The following SGCZ variants were observed in gnomAD, a reference collection of about 807,000 sequenced individuals.
The protein encoded by SGCZ is sarcoglycan zeta, also known as zeta-sarcoglycan.
In SGCZ, 40 loss-of-function variants were observed where a neutral mutation model predicts 41.3. That is an observed-to-expected ratio of 0.97 (90% CI 0.75 to 1.26). The LOEUF is 1.26. Ranked by LOEUF, SGCZ falls within the 50% of genes most tolerant of loss-of-function variation. The pLI, the probability that SGCZ is intolerant of heterozygous loss-of-function variation, is 0.00. For synonymous variants in SGCZ, 206 were observed against 137.5 expected, an observed-to-expected ratio of 1.50 and a Z score of -3.49; for missense variants, 552 against 369.8, an observed-to-expected ratio of 1.49 and a Z score of -4.04.
intron 1 of SGCZ, among the ~76,000 whole-genome samples, chr8:14,865,040 T>C (rs115215921): frequency 0.023 from 3,577 of 152,246 alleles, 51 homozygotes; most frequent in Middle Eastern, 0.048. Flanking sequence ...ATATTCTGGA[T>C]TAATCCTTGT....
intron 4 of SGCZ, among the ~76,000 whole-genome samples, chr8:14,219,868 A>G (rs998746407): frequency 3.9e-4 from 60 of 152,028 alleles, no homozygotes; most frequent in African/African-American, 1.4e-3. Flanking sequence ...TGTAGGGAAA[A>G]CGTTTCTACA....
At chr8:14,407,216 G>T (rs1028916452) in intron 2 of SGCZ, among the ~76,000 whole-genome samples, 1 of 151,706 alleles carries the variant, frequency 6.6e-6, no homozygotes, top group African/African-American at 2.4e-5. Context: ...TTACAGGTGT[G>T]TGCCACCATG....
chr8:14,155,044 T>A (rs1803835157), intron 5 of SGCZ, among the ~76,000 whole-genome samples: 1 of 152,214 alleles, frequency 6.6e-6, no homozygotes, highest in Non-Finnish European at 1.5e-5. Context: ...CCACTCTGTT[T>A]TGGAGTAGTT....
intron 1 of SGCZ, among the ~76,000 whole-genome samples, chr8:15,004,049 C>T (rs1209264005): frequency 6.6e-6 from 1 of 151,856 alleles, no homozygotes. Flanking sequence ...CAGAGATCAC[C>T]CAAAATGTGC....
intron 1 of SGCZ, among the ~76,000 whole-genome samples, chr8:15,008,762 AGG>A (rs1343050337): frequency 7.2e-4 from 21 of 29,050 alleles, no homozygotes; most frequent in African/African-American, 2.9e-3. Flanking sequence ...GGGAGGAGGG[AGG>A]GACGGAGGGA....
At chr8:14,735,485 C>A (rs569734864) in intron 1 of SGCZ, among the ~76,000 whole-genome samples, 1 of 152,158 alleles carries the variant, frequency 6.6e-6, no homozygotes, top group Non-Finnish European at 1.5e-5. Flanking sequence ...CAGGTTTCCA[C>A]CCTTTGGAGT....
intron 2 of SGCZ, among the ~76,000 whole-genome samples, chr8:14,517,007 A>G (rs1258282059): frequency 6.6e-6 from 1 of 152,060 alleles, no homozygotes; most frequent in Non-Finnish European, 1.5e-5. Flanking sequence ...AGGAACCAGG[A>G]AGTCAAGAGG....
chr8:14,236,833 T>C (rs1285928743), intron 4 of SGCZ, among the ~76,000 whole-genome samples: 2 of 151,652 alleles, frequency 1.3e-5, no homozygotes, highest in Non-Finnish European at 2.9e-5. Flanking sequence ...CTTATAAAAA[T>C]TGAGTCAAGG....
intron 5 of SGCZ, among the ~76,000 whole-genome samples, chr8:14,149,077 T>C (rs531513196): frequency 5.8e-4 from 89 of 152,196 alleles, no homozygotes; most frequent in African/African-American, 2.1e-3. Flanking sequence ...ACAGCTAGTA[T>C]CATAGTGAGT....
chr8:14,139,763 G>T (rs2116921802), intron 5 of SGCZ, among the ~76,000 whole-genome samples: 1 of 152,206 alleles, frequency 6.6e-6, no homozygotes, highest in Admixed American at 6.5e-5. Context: ...GGTACAAAGA[G>T]AAGCTGGTAC....
At chr8:14,139,724 T>C (rs1480535261) in intron 5 of SGCZ, among the ~76,000 whole-genome samples, 2 of 152,018 alleles carry the variant, frequency 1.3e-5, no homozygotes, top group African/African-American at 2.4e-5. Flanking sequence ...GTCCAGGACT[T>C]CATGGATTCA....
chr8:14,975,971 CGTGT>C (rs988837466), intron 1 of SGCZ, among the ~76,000 whole-genome samples: 10 of 132,306 alleles, frequency 7.6e-5, no homozygotes, highest in Non-Finnish European at 1.3e-4. Flanking sequence ...TATGTGTGTG[CGTGT>C]GTGTATGTGT....
intron 2 of SGCZ, among the ~76,000 whole-genome samples, chr8:14,453,892 C>G (rs1800667927): frequency 6.6e-6 from 1 of 152,098 alleles, no homozygotes; most frequent in South Asian, 2.1e-4. Context: ...AAATTATTTT[C>G]TCTTGATTTG....
chr8:14,181,376 C>T (rs1804720557), intron 4 of SGCZ, among the ~76,000 whole-genome samples: 1 of 152,182 alleles, frequency 6.6e-6, no homozygotes, highest in Non-Finnish European at 1.5e-5. Flanking sequence ...AATGACAGAA[C>T]TAAAGTGACT....
At chr8:14,922,790 G>C (rs1474229959) in intron 1 of SGCZ, among the ~76,000 whole-genome samples, 2 of 152,106 alleles carry the variant, frequency 1.3e-5, no homozygotes, top group Admixed American at 6.5e-5. Flanking sequence ...ATACATATTA[G>C]AGATGGAGAC....
At chr8:14,898,834 T>C (rs1322927735) in intron 1 of SGCZ, among the ~76,000 whole-genome samples, 1 of 152,204 alleles carries the variant, frequency 6.6e-6, no homozygotes, top group East Asian at 1.9e-4. Context: ...TGTCTCTATA[T>C]TGTATGCATT....
intron 5 of SGCZ, among the ~76,000 whole-genome samples, chr8:14,143,285 C>T (rs1445491324): frequency 1.3e-5 from 2 of 152,032 alleles, no homozygotes; most frequent in African/African-American, 4.8e-5. Flanking sequence ...CACATCATTC[C>T]CTTACTAAAA....
chr8:14,700,159 C>G (rs6991474), intron 1 of SGCZ, among the ~76,000 whole-genome samples: 2 of 151,800 alleles, frequency 1.3e-5, no homozygotes, highest in African/African-American at 2.4e-5. Flanking sequence ...TGCACTAGAA[C>G]GCTCGCTGCA....
intron 1 of SGCZ, among the ~76,000 whole-genome samples, chr8:14,778,086 G>T (rs536690129): frequency 1.3e-5 from 2 of 151,878 alleles, no homozygotes; most frequent in South Asian, 4.2e-4. Context: ...ATCATGCCTG[G>T]CTAATAATTT....
Sources: allele counts gnomAD v4.1 joint callset (sites outside exome capture counted in the v4.1 genomes callset), GRCh38; gene constraint gnomAD v4.1.1; transcripts MANE v1.5; gene names NCBI Gene and HGNC (gene_info 2026-07-23, HGNC 2026-07-21).